The following SMOC2 variants were observed in gnomAD, a reference collection of about 807,000 sequenced individuals.
SMOC2 encodes the protein SPARC-related modular calcium-binding protein 2.
In SMOC2, 39 loss-of-function variants were observed where a neutral mutation model predicts 61.4. The observed-to-expected ratio is 0.64, with a 90% CI of 0.49 to 0.83. SMOC2 has a LOEUF of 0.83. Ranked by LOEUF, SMOC2 falls within the 40% of genes least tolerant of loss-of-function variation. The pLI is 0.00. For missense variants in SMOC2, 556 were observed against 592.9 expected, an observed-to-expected ratio of 0.94 and a Z score of 0.65; for synonymous variants, 247 against 239.9, an observed-to-expected ratio of 1.03 and a Z score of -0.27.
At chr6:168,552,581 C>G (rs1196105036) in intron 7 of SMOC2, among the ~76,000 whole-genome samples, 1 of 152,176 alleles carries the variant, frequency 6.6e-6, no homozygotes, top group Non-Finnish European at 1.5e-5. Context: ...TGCCATGCAT[C>G]CAAATGCCCA....
At position 168,527,663 on chromosome 6, in the gene SMOC2, C is replaced by T. The variant is rs1181873339; in HGVS notation, c.399C>T (p.Cys133=). 17 of 1,552,262 alleles carry T rather than the reference C, an allele frequency of 1.1e-5. No individual in the cohort carries two copies. The highest frequency in any genetic ancestry group is 2.7e-5 in the African/African-American group (2 of 73,228). The change falls in exon 4 of 13, where the codon TGC becomes TGT. Residue 133 remains cysteine (C), a synonymous_variant. Transcript: ENST00000356284. ...ACAGCTACACGGGATACTGCTGGTG[C>T]GTCACGCCCAACGGGAGGCCCATCA... ...QCHSYTGYCW[C]VTPNGRPISG...
intron 8 of SMOC2, among the ~76,000 whole-genome samples, chr6:168,607,706 G>A (rs936382782): frequency 1.1e-4 from 16 of 151,976 alleles, no homozygotes; most frequent in Admixed American, 4.6e-4. Context: ...TTCCTTGGGC[G>A]GGGTGGGGGT....
chr6:168,620,402 A>C (rs1786213808), intron 9 of SMOC2, among the ~76,000 whole-genome samples: 1 of 152,016 alleles, frequency 6.6e-6, no homozygotes, highest in African/African-American at 2.4e-5. Flanking sequence ...GTCAATAGAG[A>C]TCCAGCTCCC....
At chr6:168,526,578 A>G (rs1783460704) in intron 3 of SMOC2, 126 bp downstream of exon 3, 2 of 707,548 alleles carry the variant, frequency 2.8e-6, no homozygotes, top group Non-Finnish European at 2.5e-6. Context: ...CTCTGGGGAA[A>G]TCAGCCTTCT....
chr6:168,653,736 A>T (rs1427254908), intron 11 of SMOC2, among the ~76,000 whole-genome samples: 1 of 136,414 alleles, frequency 7.3e-6, no homozygotes, highest in African/African-American at 3.0e-5. Context: ...CCACCCCTGT[A>T]CCTGAGCTCC....
At chr6:168,487,067 G>T (rs1051115641) in intron 1 of SMOC2, among the ~76,000 whole-genome samples, 1 of 152,128 alleles carries the variant, frequency 6.6e-6, no homozygotes, top group Non-Finnish European at 1.5e-5. Context: ...CTGGCCTTTG[G>T]GCTCCTCTCC....
At chr6:168,523,249 C>T (rs1456685611) in intron 2 of SMOC2, among the ~76,000 whole-genome samples, 13 of 145,720 alleles carry the variant, frequency 8.9e-5, no homozygotes, top group South Asian at 2.3e-4. Flanking sequence ...CCACCGCGCC[C>T]GGCTAATTTT....
intron 1 of SMOC2, among the ~76,000 whole-genome samples, chr6:168,459,200 A>G (rs1459249803): frequency 1.3e-5 from 2 of 152,216 alleles, no homozygotes; most frequent in East Asian, 3.9e-4. Context: ...ACGGTTTGAC[A>G]GGAGCGATGT....
At position 168,513,758 on chromosome 6, in the gene SMOC2, G is replaced by A. The variant is rs539650660; in HGVS notation, c.256+3672G>A. Among the ~76,000 whole-genome samples, 28 of 152,320 alleles carry A rather than the reference G, an allele frequency of 1.8e-4. No homozygotes were observed. In the South Asian group the frequency reaches 2.5e-3, roughly 14 times the overall value. On this transcript the variant is annotated intron_variant, in intron 2 of 12. Coordinates refer to ENST00000356284, the MANE Select transcript of SMOC2 (RefSeq NM_001166412.2). ...TCTCCATCAGATAACCTCTCAGGGAGCTCGTCTCTTCATTTGATTCAGTTC... is the reference window on the plus strand; with the variant it reads ...TCTCCATCAGATAACCTCTCAGGGAACTCGTCTCTTCATTTGATTCAGTTC...
chr6:168,584,820 G>T (rs999885490), intron 7 of SMOC2, among the ~76,000 whole-genome samples: 7 of 152,102 alleles, frequency 4.6e-5, no homozygotes, highest in Non-Finnish European at 7.4e-5. Flanking sequence ...GAGGAGCTTT[G>T]CCCAGTGCTG....
At chr6:168,505,188 TCTCA>T in intron 1 of SMOC2, among the ~76,000 whole-genome samples, 1 of 121,176 alleles carries the variant, frequency 8.3e-6, no homozygotes, top group East Asian at 3.5e-4. Flanking sequence ...AATGTCTGTC[TCTCA>T]GATGCTGGAT....
At chr6:168,573,526 C>T (rs1477723892) in intron 7 of SMOC2, among the ~76,000 whole-genome samples, 2 of 152,156 alleles carry the variant, frequency 1.3e-5, no homozygotes, top group East Asian at 1.9e-4. Flanking sequence ...CTGCTGGTCC[C>T]TCTGTGTCTG....
chr6:168,542,825 G>T (rs1447134405), intron 4 of SMOC2, among the ~76,000 whole-genome samples: 1 of 151,810 alleles, frequency 6.6e-6, no homozygotes, highest in African/African-American at 2.4e-5. Flanking sequence ...TTGAATGTTG[G>T]TCTGTATTTC....
intron 1 of SMOC2, among the ~76,000 whole-genome samples, chr6:168,461,973 A>T (rs1007550465): frequency 5.9e-5 from 9 of 152,018 alleles, no homozygotes; most frequent in African/African-American, 2.2e-4. Context: ...TGTCACTAAC[A>T]CTTTCTCTCC....
At chr6:168,609,672 A>G (rs945340884) in intron 9 of SMOC2, among the ~76,000 whole-genome samples, 3 of 152,184 alleles carry the variant, frequency 2.0e-5, no homozygotes, top group African/African-American at 7.2e-5. Flanking sequence ...TCCTTAAAAG[A>G]CATAATGAGC....
intron 2 of SMOC2, among the ~76,000 whole-genome samples, chr6:168,515,844 TA>T (rs1308986927): frequency 1.3e-5 from 2 of 151,888 alleles, no homozygotes; most frequent in African/African-American, 4.8e-5. Context: ...TCTAAGAGTA[TA>T]AATATTGCAC....
intron 9 of SMOC2, among the ~76,000 whole-genome samples, chr6:168,623,990 G>A (rs1391597769): frequency 1.3e-5 from 2 of 152,204 alleles, no homozygotes; most frequent in Admixed American, 6.5e-5. Context: ...CGCCGCAGAG[G>A]AGGCTCCTGC....
intron 8 of SMOC2, 106 bp from the exon 9 acceptor site, chr6:168,608,051 C>G: frequency 1.0e-6 from 1 of 967,786 alleles, no homozygotes; most frequent in East Asian, 2.7e-5. Context: ...AGCCACAGGT[C>G]ACGGTGTATG....
At chr6:168,478,385 G>A (rs901397335) in intron 1 of SMOC2, among the ~76,000 whole-genome samples, 8 of 152,168 alleles carry the variant, frequency 5.3e-5, no homozygotes, top group South Asian at 4.1e-4. Flanking sequence ...CAGAGTTTTA[G>A]GGAAGTCTTT....
Sources: gnomAD v4.1 joint callset for allele counts (sites outside exome capture counted in the v4.1 genomes callset) on GRCh38, gnomAD v4.1.1 for gene constraint, MANE v1.5 for transcripts, NCBI Gene and HGNC (gene_info 2026-07-23, HGNC 2026-07-21) for gene names.